Variants in NFIL3 observed in about 807,000 individuals in gnomAD.
NFIL3 encodes nuclear factor, interleukin 3 regulated, also known as nuclear factor interleukin-3-regulated protein.
NFIL3 carries 5 observed loss-of-function variants against 10.0 expected under a neutral mutation model. The ratio of observed to expected loss-of-function variants is 0.50; its 90% CI spans 0.26 to 1.06. The LOEUF is 1.06. Among genes scored for constraint, NFIL3 ranks in the 50% least tolerant of loss-of-function variants. The probability of loss-of-function intolerance (pLI) is 0.13; values close to 1 mark genes in which losing one functional copy is unlikely to be tolerated. For synonymous variants in NFIL3, 202 were observed against 206.5 expected (o/e 0.98, Z 0.19); for missense variants, 436 against 547.6 (o/e 0.80, Z 2.03).
the NFIL3 span, among the ~76,000 whole-genome samples, chr9:91,469,174 G>A: frequency 6.6e-6 from 1 of 151,984 alleles, no homozygotes; most frequent in Non-Finnish European, 1.5e-5. Context: ...AGCATGGAAT[G>A]TTCTATTTGT....
At chr9:91,472,160 G>T in the NFIL3 span, among the ~76,000 whole-genome samples, 23 of 152,238 alleles carry the variant, frequency 1.5e-4, no homozygotes, top group African/African-American at 5.5e-4. Flanking sequence ...TTCAACCTTG[G>T]TGAATCTGAC....
Position 91,409,708 on chromosome 9 carries a change from T to G in NFIL3, c.1027A>C (p.Asn343His), listed in dbSNP as rs1193673593. ...AGTTTTTGCGTGGCCTCAAATTCAT[T>G]ATCAAAGGCTTCTACTTTGATCTGC... ...AMQIKVEAFD[N>H]EFEATQKLSS... Residue 343 changes from asparagine to histidine, a missense_variant, in exon 2 of 2, where the codon AAT (asparagine) becomes CAT (histidine). Physicochemically the swap from Asn to His is moderately conservative, Grantham distance 68 (BLOSUM62 1). Around this residue, in one of 3 missense-constraint regions of NFIL3, gnomAD observed 338 missense variants for 399.9 expected, o/e 0.85. Transcript: ENST00000297689. 1.2e-6 allele frequency: 2 copies of G among 1,614,070 alleles called. No individual in the cohort carries two copies. The highest frequency in any genetic ancestry group is 2.2e-5 in the East Asian group (1 of 44,902).
upstream of NFIL3, among the ~76,000 whole-genome samples, chr9:91,425,038 G>A (rs954334820): frequency 7.4e-6 from 1 of 135,516 alleles, no homozygotes; most frequent in Non-Finnish European, 1.7e-5. Context: ...GCTGGCCTTG[G>A]CGAAGGGAGC....
the NFIL3 span, among the ~76,000 whole-genome samples, chr9:91,436,487 AG>A: frequency 2.0e-5 from 3 of 152,046 alleles, no homozygotes; most frequent in Admixed American, 6.5e-5. Flanking sequence ...CTGAGGCAGG[AG>A]AATGGCGTGA....
the NFIL3 span, among the ~76,000 whole-genome samples, chr9:91,430,427 A>T: frequency 6.6e-6 from 1 of 152,232 alleles, no homozygotes; most frequent in South Asian, 2.1e-4. Flanking sequence ...ACTACTTAGC[A>T]GGGGCCAGAA....
chr9:91,442,100 C>G, the NFIL3 span, among the ~76,000 whole-genome samples: 1 of 152,114 alleles, frequency 6.6e-6, no homozygotes, highest in Non-Finnish European at 1.5e-5. Flanking sequence ...TTGAAGAACT[C>G]CTTTAAGCAT....
the NFIL3 span, among the ~76,000 whole-genome samples, chr9:91,459,624 G>A: frequency 3.3e-5 from 5 of 152,170 alleles, no homozygotes; most frequent in African/African-American, 1.2e-4. Flanking sequence ...GTTCAAGGCT[G>A]CAGTGAACTA....
the NFIL3 span, among the ~76,000 whole-genome samples, chr9:91,449,479 T>C: frequency 6.6e-6 from 1 of 152,170 alleles, no homozygotes; most frequent in East Asian, 1.9e-4. Context: ...GGTTTCCCCC[T>C]TCTTTCTATT....
the NFIL3 span, among the ~76,000 whole-genome samples, chr9:91,431,201 AC>A: frequency 6.6e-6 from 1 of 152,232 alleles, no homozygotes; most frequent in Admixed American, 6.5e-5. Context: ...CATTTAAAAC[AC>A]ATTGTTTTAA....
At chr9:91,468,148 C>T in the NFIL3 span, among the ~76,000 whole-genome samples, 1,055 of 152,314 alleles carry the variant, frequency 6.9e-3, 12 homozygotes, top group African/African-American at 0.025. Flanking sequence ...TTTACAGTCC[C>T]ACCAACAGTG....
chr9:91,478,773 C>T, the NFIL3 span, among the ~76,000 whole-genome samples: 1 of 152,264 alleles, frequency 6.6e-6, no homozygotes, highest in Admixed American at 6.5e-5. Context: ...TCCTGATCTT[C>T]ATGGATTTAC....
chr9:91,431,660 C>A, the NFIL3 span, among the ~76,000 whole-genome samples: 7 of 152,124 alleles, frequency 4.6e-5, no homozygotes, highest in Non-Finnish European at 2.9e-5. Context: ...ACAGTGGAAG[C>A]CGACGTGACT....
At chr9:91,437,169 C>A in the NFIL3 span, among the ~76,000 whole-genome samples, 1 of 152,212 alleles carries the variant, frequency 6.6e-6, no homozygotes, top group African/African-American at 2.4e-5. Flanking sequence ...TCCTAACAGG[C>A]CAGGGATCAG....
the NFIL3 span, among the ~76,000 whole-genome samples, chr9:91,459,229 G>A: frequency 6.6e-6 from 1 of 152,268 alleles, no homozygotes; most frequent in South Asian, 2.1e-4. Context: ...TTTTAGGCAA[G>A]ACTCCCTATG....
the NFIL3 span, among the ~76,000 whole-genome samples, chr9:91,482,435 A>G: frequency 1.6e-5 from 1 of 62,508 alleles, no homozygotes; most frequent in Admixed American, 1.3e-4. Flanking sequence ...GGGCTGGGTG[A>G]TGATGATGAT....
intron 1 of NFIL3, 119 bp from the exon 2 acceptor site, chr9:91,411,025 C>A: frequency 2.4e-6 from 1 of 425,126 alleles, no homozygotes; most frequent in Non-Finnish European, 4.3e-6. Flanking sequence ...GGCATGGCCA[C>A]AGTTCTTTCT....
chr9:91,453,174 G>T, the NFIL3 span, among the ~76,000 whole-genome samples: 66 of 152,124 alleles, frequency 4.3e-4, no homozygotes, highest in African/African-American at 1.2e-3. Context: ...TTCTTCCTGT[G>T]GCTTCACATG....
intron 1 of NFIL3, among the ~76,000 whole-genome samples, chr9:91,416,857 T>C (rs1833667344): frequency 6.6e-6 from 1 of 152,212 alleles, no homozygotes; most frequent in South Asian, 2.1e-4. Flanking sequence ...CAAGATTTGA[T>C]TTAGAAAATT....
chr9:91,418,915 G>A (rs1022900825), intron 1 of NFIL3, among the ~76,000 whole-genome samples: 2 of 151,696 alleles, frequency 1.3e-5, no homozygotes, highest in African/African-American at 2.4e-5. Flanking sequence ...GATAACTGGG[G>A]TAGTAGTAAT....
Sources: gnomAD v4.1 joint callset for allele counts (sites outside exome capture counted in the v4.1 genomes callset) on GRCh38, gnomAD v4.1.1 for gene constraint, gnomAD v4.1.1 regional missense constraint, MANE v1.5 for transcripts, NCBI Gene and HGNC (gene_info 2026-07-23, HGNC 2026-07-21) for gene names.